The following CMIP variants were observed in gnomAD, a reference collection of about 807,000 sequenced individuals.
The protein encoded by CMIP is C-Maf-inducing protein.
In CMIP, 13 loss-of-function variants were observed where a neutral mutation model predicts 97.3. The ratio of observed to expected loss-of-function variants is 0.13; its 90% CI spans 0.09 to 0.21. The LOEUF is 0.21. Ranked by LOEUF, CMIP falls within the 10% of genes least tolerant of loss-of-function variation. CMIP has a pLI of 1.00. For synonymous variants in CMIP, 538 were observed against 436.3 expected, an observed-to-expected ratio of 1.23 and a Z score of -2.91; for missense variants, 847 against 1,024.9, an observed-to-expected ratio of 0.83 and a Z score of 2.37.
chr16:81,601,797 C>T (rs1046449258), intron 1 of CMIP, among the ~76,000 whole-genome samples: 2 of 152,190 alleles, frequency 1.3e-5, no homozygotes, highest in Non-Finnish European at 2.9e-5. Context: ...ACCCTCTGGG[C>T]ACCGTCACCT....
chr16:81,463,550 G>T (rs1350877088), intron 1 of CMIP, among the ~76,000 whole-genome samples: 1 of 152,208 alleles, frequency 6.6e-6, no homozygotes, highest in Non-Finnish European at 1.5e-5. Flanking sequence ...TCCTCCCTGA[G>T]GATTTTGTAG....
intron 1 of CMIP, among the ~76,000 whole-genome samples, chr16:81,594,524 C>T (rs959387485): frequency 1.8e-4 from 28 of 152,270 alleles, no homozygotes; most frequent in African/African-American, 6.5e-4. Flanking sequence ...TTCCAAGGCC[C>T]CCAGTGGATG....
intron 20 of CMIP, 89 bp downstream of exon 20, chr16:81,707,173 T>TCCAGTAAAGGATGATG: frequency 9.5e-7 from 1 of 1,055,444 alleles, no homozygotes; most frequent in Non-Finnish European, 1.5e-6. Context: ...GAGCTCGTTC[T>TCCAGTAAAGGATGATG]CCAGTAAAGG....
At chr16:81,640,764 G>C (rs1183801454) in intron 3 of CMIP, among the ~76,000 whole-genome samples, 3 of 144,160 alleles carry the variant, frequency 2.1e-5, no homozygotes, top group Non-Finnish European at 4.5e-5. Flanking sequence ...GTGTGTGTGT[G>C]TGTGTGTCTC....
At chr16:81,512,296 GGT>G (rs1297368208) in intron 1 of CMIP, among the ~76,000 whole-genome samples, 4 of 151,910 alleles carry the variant, frequency 2.6e-5, no homozygotes, top group African/African-American at 9.7e-5. Context: ...CTCATGCCTT[GGT>G]GGGGGTCTTT....
chr16:81,678,411 C>G lies in CMIP; in HGVS notation c.1171C>G (p.Arg391Gly). 6.3e-7 allele frequency: 1 copy of G among 1,599,518 alleles called. No homozygotes were observed. ...TCAGGAAGCCACGCTGTCTGAGGCC[C>G]GGCTCAAGTCGGTGGTCGTGGCCTC... ...VSQEATLSEA[R>G]LKSVVVASSE... Residue 391 changes from arginine to glycine, a missense_variant, in exon 10 of 21, where the codon CGG becomes GGG. Coordinates refer to ENST00000537098, the MANE Select transcript of CMIP (RefSeq NM_198390.3).
intron 3 of CMIP, among the ~76,000 whole-genome samples, chr16:81,639,412 C>G (rs182462584): frequency 6.6e-6 from 1 of 152,318 alleles, no homozygotes; most frequent in Non-Finnish European, 1.5e-5. Flanking sequence ...TCCCCATTAC[C>G]CCCTCCCCCA....
chr16:81,618,754 G>A (rs751835308), intron 2 of CMIP: 2 of 152,296 alleles, frequency 1.3e-5, no homozygotes, highest in South Asian at 2.1e-4. Flanking sequence ...AGAGCCTGAT[G>A]TTAAGCATTT....
At chr16:81,460,930 G>A (rs1345675397) in intron 1 of CMIP, among the ~76,000 whole-genome samples, 1 of 152,200 alleles carries the variant, frequency 6.6e-6, no homozygotes, top group Non-Finnish European at 1.5e-5. Flanking sequence ...GTATGTGATC[G>A]TTATGACAAT....
intron 1 of CMIP, among the ~76,000 whole-genome samples, chr16:81,459,266 A>G (rs1473367599): frequency 2.0e-5 from 3 of 152,202 alleles, no homozygotes; most frequent in African/African-American, 7.2e-5. Context: ...CTGTGAAGGG[A>G]CAGGAAAGTC....
intron 1 of CMIP, among the ~76,000 whole-genome samples, chr16:81,533,131 AC>A (rs1422749762): frequency 1.3e-5 from 2 of 152,092 alleles, no homozygotes. Context: ...TCCCTGACTT[AC>A]GTTTTTTTCT....
intron 14 of CMIP, among the ~76,000 whole-genome samples, chr16:81,699,453 C>T (rs533692457): frequency 2.0e-5 from 3 of 152,296 alleles, no homozygotes; most frequent in African/African-American, 4.8e-5. Flanking sequence ...GTGACTTTCG[C>T]GACTGGCTTA....
intron 1 of CMIP, among the ~76,000 whole-genome samples, chr16:81,577,246 A>T (rs890297735): frequency 8.6e-5 from 13 of 150,634 alleles, no homozygotes; most frequent in Non-Finnish European, 3.0e-5. Flanking sequence ...TTACCACTAC[A>T]TTATTATCAC....
At chr16:81,701,865 G>A in intron 16 of CMIP, 65 bp downstream of exon 16, 1 of 1,596,350 alleles carries the variant, frequency 6.3e-7, no homozygotes, top group African/African-American at 1.3e-5. Context: ...AGGGCGGGAT[G>A]CGGGGCAGCT....
intron 2 of CMIP, among the ~76,000 whole-genome samples, chr16:81,618,306 A>G (rs562075140): frequency 3.3e-5 from 5 of 152,228 alleles, no homozygotes; most frequent in South Asian, 2.1e-4. Flanking sequence ...TCATGGCCAC[A>G]TCACTCTGAC....
At chr16:81,496,231 T>A (rs946196739) in intron 1 of CMIP, among the ~76,000 whole-genome samples, 1 of 152,238 alleles carries the variant, frequency 6.6e-6, no homozygotes, top group South Asian at 2.1e-4. Flanking sequence ...CTATGGTTAC[T>A]ATTAAAATTG....
chr16:81,604,396 CAAAA>C (rs886259734), intron 1 of CMIP, among the ~76,000 whole-genome samples: 2 of 58,676 alleles, frequency 3.4e-5, no homozygotes, highest in Non-Finnish European at 3.6e-5. Flanking sequence ...AACTCTGTCT[CAAAA>C]AAAAAAAAAA....
rs867061504 is a variant in CMIP at position 81,640,867 on chromosome 16, C to T, written c.478-11336C>T. ...TATGACCTCATCTTAATTATATCTG[C>T]GAAGACCCCATTTCCAAAGAAGGTC... On this transcript the variant is annotated intron_variant, in intron 3 of 20. Coordinates refer to ENST00000537098, the MANE Select transcript of CMIP (RefSeq NM_198390.3). 1.4e-4 allele frequency among the ~76,000 whole-genome samples: 22 copies of T among 151,908 alleles called. No individual in the cohort carries two copies. In the Middle Eastern group the frequency reaches 0.014, roughly 94 times the overall value.
intron 13 of CMIP, chr16:81,695,736 C>T (rs1037083419): frequency 1.3e-5 from 2 of 152,478 alleles, no homozygotes; most frequent in Admixed American, 6.5e-5. Context: ...CGTGTGCTCA[C>T]ATGCACAAAC....
Sources: gnomAD v4.1 joint callset for allele counts (sites outside exome capture counted in the v4.1 genomes callset) on GRCh38, gnomAD v4.1.1 for gene constraint, MANE v1.5 for transcripts, NCBI Gene and HGNC (gene_info 2026-07-23, HGNC 2026-07-21) for gene names.